OPN3: variants seen among roughly 807,000 people sequenced by gnomAD.
The protein encoded by OPN3 is opsin 3.
In OPN3, 29 loss-of-function variants were observed where a neutral mutation model predicts 33.8. The ratio of observed to expected loss-of-function variants is 0.86; its 90% CI spans 0.64 to 1.17. The LOEUF (loss-of-function observed/expected upper bound fraction) is 1.17, where lower values mean the gene tolerates loss of function less well. Among genes scored for constraint, OPN3 ranks in the 50% most tolerant of loss-of-function variants. The probability of loss-of-function intolerance (pLI) is 0.00; values close to 1 mark genes in which losing one functional copy is unlikely to be tolerated. For synonymous variants in OPN3, 216 were observed against 216.1 expected, an observed-to-expected ratio of 1.00 and a Z score of 0.00; for missense variants, 437 against 514.1, an observed-to-expected ratio of 0.85 and a Z score of 1.45.
chr1:241,621,790 T>C (rs1312537471), intron 1 of OPN3, among the ~76,000 whole-genome samples: 1 of 152,074 alleles, frequency 6.6e-6, no homozygotes, highest in Admixed American at 6.6e-5. Context: ...CATAAAGAGA[T>C]GTGAGCCCAG....
At chr1:241,632,889 T>G (rs1664700910) in intron 1 of OPN3, 1 of 152,122 alleles carries the variant, frequency 6.6e-6, no homozygotes. Context: ...TCCTTAGGAA[T>G]TCCTAAGAAT....
chr1:241,619,465 T>C (rs1011303906), intron 1 of OPN3, among the ~76,000 whole-genome samples: 1 of 152,220 alleles, frequency 6.6e-6, no homozygotes, highest in Non-Finnish European at 1.5e-5. Flanking sequence ...CCTCTTTACC[T>C]ATCTCCTTGT....
chr1:241,625,092 C>T (rs1049684151), intron 1 of OPN3, among the ~76,000 whole-genome samples: 6 of 152,210 alleles, frequency 3.9e-5, no homozygotes, highest in African/African-American at 1.4e-4. Flanking sequence ...ATAAATATTA[C>T]ATTGTAATGA....
At chr1:241,594,971 C>T in intron 3 of OPN3, 1 of 330,196 alleles carries the variant, frequency 3.0e-6, no homozygotes, top group South Asian at 5.7e-5. Context: ...AGGGCAGGTA[C>T]AACTATTAAG....
chr1:241,598,108 G>T, intron 2 of OPN3, 111 bp from the exon 3 acceptor site: 1 of 1,250,356 alleles, frequency 8.0e-7, no homozygotes, highest in Non-Finnish European at 1.1e-6. Context: ...TAAATGGAAA[G>T]AGAACTGAAT....
At chr1:241,635,952 G>T in intron 1 of OPN3, 1 of 585,840 alleles carries the variant, frequency 1.7e-6, no homozygotes, top group South Asian at 2.4e-5. Flanking sequence ...ATAAAAACAT[G>T]AGCAAGTACA....
intron 1 of OPN3, chr1:241,635,331 A>G: frequency 1.2e-6 from 2 of 1,614,054 alleles, no homozygotes; most frequent in South Asian, 2.2e-5. Context: ...TTAAAATACG[A>G]TAACTGGCTT....
At chr1:241,623,953 C>T (rs892816711) in intron 1 of OPN3, among the ~76,000 whole-genome samples, 7 of 152,240 alleles carry the variant, frequency 4.6e-5, no homozygotes, top group Non-Finnish European at 8.8e-5. Flanking sequence ...TTCAAGGTTA[C>T]AGACACTGGA....
At chr1:241,639,435 T>A (rs1476226442) in intron 1 of OPN3, among the ~76,000 whole-genome samples, 2 of 152,188 alleles carry the variant, frequency 1.3e-5, no homozygotes, top group Non-Finnish European at 1.5e-5. Context: ...AGTACATGAA[T>A]CTAATCTCAT....
intron 2 of OPN3, among the ~76,000 whole-genome samples, chr1:241,599,154 TAGAGAG>T (rs71778518): frequency 0.13 from 19,499 of 151,970 alleles, 1,516 homozygotes; most frequent in East Asian, 0.22. Context: ...TAGCAAAGAA[TAGAGAG>T]AAATAGGAAA....
intron 1 of OPN3, among the ~76,000 whole-genome samples, chr1:241,605,343 C>T (rs1377531942): frequency 6.6e-6 from 1 of 152,148 alleles, no homozygotes; most frequent in Admixed American, 6.5e-5. Flanking sequence ...ATGCAGAGGA[C>T]TGCCGTAACC....
chr1:241,634,073 C>A, intron 1 of OPN3: 1 of 1,612,074 alleles, frequency 6.2e-7, no homozygotes, highest in Non-Finnish European at 8.5e-7. Flanking sequence ...ATTATACGAG[C>A]TTCTGCTGAT....
chr1:241,637,280 G>C (rs1416600108), intron 1 of OPN3, among the ~76,000 whole-genome samples: 1 of 152,176 alleles, frequency 6.6e-6, no homozygotes, highest in African/African-American at 2.4e-5. Context: ...TTGGAACTTA[G>C]ATTAAATTGC....
In OPN3 at chr1:241,634,040, A is replaced by T; in HGVS notation, c.373+5842T>A. 2 of 1,613,042 alleles carry T rather than the reference A, an allele frequency of 1.2e-6. No homozygotes were observed. The highest frequency in any genetic ancestry group is 1.7e-6 in the Non-Finnish European group (2 of 1,179,672). ...CAGGCCACAGTCAGGCCCAGAGCAGACATAAACATTGGAAGGCAAGCCATT... is the reference window on the plus strand; with the variant it reads ...CAGGCCACAGTCAGGCCCAGAGCAGTCATAAACATTGGAAGGCAAGCCATT... On this transcript the variant is annotated intron_variant, in intron 1 of 3. Coordinates refer to ENST00000366554, the MANE Select transcript of OPN3 (RefSeq NM_014322.3).
chr1:241,634,748 A>C (rs1289631929), intron 1 of OPN3: 1 of 1,614,008 alleles, frequency 6.2e-7, no homozygotes, highest in South Asian at 1.1e-5. Context: ...AATTGAGTGC[A>C]GTACAAAATG....
Position 241,609,153 on chromosome 1 carries a change from A to G in OPN3, c.374-4574T>C, listed in dbSNP as rs558825223. On this transcript the variant is annotated intron_variant, in intron 1 of 3. Transcript: ENST00000366554. ...ATGAGCAGATATGAGGAAGACAACC[A>G]AATTCTACTTCAAATGGTGCATCCA... is the stretch of plus-strand genomic sequence containing the variant. Among the ~76,000 whole-genome samples the G allele has an allele frequency of 4.6e-5, 7 of 152,346 alleles. No individual in the cohort carries two copies. The South Asian group carries it at 6.2e-4, about 14-fold the overall frequency.
chr1:241,615,388 G>A (rs1454521151), intron 1 of OPN3, among the ~76,000 whole-genome samples: 1 of 151,926 alleles, frequency 6.6e-6, no homozygotes, highest in Non-Finnish European at 1.5e-5. Context: ...AGCAATCTAG[G>A]TTTTATGATA....
intron 1 of OPN3, among the ~76,000 whole-genome samples, chr1:241,607,626 AAAAG>A (rs1313429747): frequency 2.0e-5 from 3 of 151,336 alleles, no homozygotes; most frequent in African/African-American, 7.3e-5. Flanking sequence ...GGAAGGAAGA[AAAAG>A]AAAAAGGAAG....
chr1:241,634,938 G>T (rs763052646), intron 1 of OPN3: 4 of 1,613,110 alleles, frequency 2.5e-6, no homozygotes, highest in Non-Finnish European at 3.4e-6. Flanking sequence ...CTGGAACAAG[G>T]AACTTGTTCT....
Sources: allele counts gnomAD v4.1 joint callset (sites outside exome capture counted in the v4.1 genomes callset), GRCh38; gene constraint gnomAD v4.1.1; transcripts MANE v1.5; gene names NCBI Gene and HGNC (gene_info 2026-07-23, HGNC 2026-07-21).